NT5C2: variants seen among roughly 807,000 people sequenced by gnomAD.
NT5C2 encodes 5'-nucleotidase, cytosolic II.
NT5C2 carries 58 observed loss-of-function variants against 76.1 expected under a neutral mutation model. The ratio of observed to expected loss-of-function variants is 0.76; its 90% CI spans 0.62 to 0.95. The LOEUF (loss-of-function observed/expected upper bound fraction) is 0.95. Ranked by LOEUF, NT5C2 falls within the 40% of genes least tolerant of loss-of-function variation. The pLI is 0.00. For synonymous variants in NT5C2, 229 were observed against 237.4 expected (o/e 0.96, Z 0.32); for missense variants, 478 against 690.3 (o/e 0.69, Z 3.45).
intron 9 of NT5C2, 105 bp downstream of exon 9, chr10:103,099,821 T>C: frequency 2.8e-6 from 2 of 714,698 alleles, no homozygotes; most frequent in South Asian, 1.8e-5. Context: ...AATCTGTTTT[T>C]TCTTTTTTTA....
At chr10:103,119,816 C>A (rs780623110) in intron 4 of NT5C2, among the ~76,000 whole-genome samples, 2 of 151,964 alleles carry the variant, frequency 1.3e-5, no homozygotes, top group Non-Finnish European at 2.9e-5. Context: ...AAAAAAAAGG[C>A]GTGGCCAGTT....
chr10:103,175,864 G>T (rs2089785707), intron 2 of NT5C2: 1 of 159,834 alleles, frequency 6.3e-6, no homozygotes, highest in African/African-American at 2.4e-5. Context: ...TTGGAAGGAG[G>T]ACGGGGGCAG....
intron 8 of NT5C2, chr10:103,100,639 G>A (rs1013273294): frequency 8.6e-6 from 4 of 465,936 alleles, no homozygotes; most frequent in African/African-American, 2.0e-5. Context: ...AATCTTGCCT[G>A]GCCTGGGAAT....
At position 103,115,166 on chromosome 10, in the gene NT5C2, C is replaced by T. The variant is rs571918171; in HGVS notation, c.176-8460G>A. Among the ~76,000 whole-genome samples, 3 of 152,268 alleles carry T rather than the reference C, an allele frequency of 2.0e-5. No homozygotes were observed. The South Asian group carries it at 6.2e-4, about 32-fold the overall frequency. ...CTATAACCCCAGCACTTTGGGAGGCCGAGGCAGGTGGACTACCTGAGCTCA... is the reference window on the plus strand; with the variant it reads ...CTATAACCCCAGCACTTTGGGAGGCTGAGGCAGGTGGACTACCTGAGCTCA... On this transcript the variant is annotated intron_variant, in intron 4 of 18. Coordinates refer to ENST00000404739, the MANE Select transcript of NT5C2 (RefSeq NM_001351169.2).
intron 1 of NT5C2, 148 bp downstream of exon 1, chr10:103,193,088 G>A (rs1273887064): frequency 6.6e-6 from 1 of 151,730 alleles, no homozygotes; most frequent in Admixed American, 6.6e-5. Context: ...TAAGGAGAGG[G>A]GCCTTGGGGC....
chr10:103,187,261 A>G (rs1170922117), intron 1 of NT5C2, among the ~76,000 whole-genome samples: 1 of 151,204 alleles, frequency 6.6e-6, no homozygotes, highest in East Asian at 2.0e-4. Flanking sequence ...AAAAAATAAA[A>G]AAGGCCAGTT....
At chr10:103,132,535 A>G (rs1304315019) in intron 4 of NT5C2, among the ~76,000 whole-genome samples, 1 of 152,060 alleles carries the variant, frequency 6.6e-6, no homozygotes, top group Non-Finnish European at 1.5e-5. Flanking sequence ...GCTCTTCTGT[A>G]GGTCTAAAGT....
At chr10:103,150,495 A>C (rs2082214535) in intron 3 of NT5C2, among the ~76,000 whole-genome samples, 1 of 152,218 alleles carries the variant, frequency 6.6e-6, no homozygotes, top group African/African-American at 2.4e-5. Flanking sequence ...AGTCACATAC[A>C]AATTTATGTG....
intron 3 of NT5C2, among the ~76,000 whole-genome samples, chr10:103,171,488 T>C (rs1044446064): frequency 6.6e-6 from 1 of 152,186 alleles, no homozygotes; most frequent in African/African-American, 2.4e-5. Context: ...TTAAGAGTCA[T>C]TTTAGACTTC....
At chr10:103,147,723 G>C (rs1203182725) in intron 3 of NT5C2, among the ~76,000 whole-genome samples, 1 of 152,038 alleles carries the variant, frequency 6.6e-6, no homozygotes, top group African/African-American at 2.4e-5. Flanking sequence ...ACCTAACATA[G>C]GGCCTTGTAA....
chr10:103,102,415 T>C (rs1040935084), intron 6 of NT5C2, among the ~76,000 whole-genome samples: 1 of 152,106 alleles, frequency 6.6e-6, no homozygotes, highest in Non-Finnish European at 1.5e-5. Flanking sequence ...CATGAGGCCA[T>C]TGTAGATCAG....
chr10:103,121,274 G>A (rs2075614597), intron 4 of NT5C2, among the ~76,000 whole-genome samples: 1 of 152,040 alleles, frequency 6.6e-6, no homozygotes. Flanking sequence ...GTTTAAAATG[G>A]TAATATTATA....
chr10:103,099,126 G>A (rs2068911358), intron 9 of NT5C2, 142 bp from the exon 10 acceptor site: 1 of 682,180 alleles, frequency 1.5e-6, no homozygotes, highest in South Asian at 1.6e-5. Flanking sequence ...ATGCTAGAGT[G>A]CAGTGGTACA....
intron 4 of NT5C2, among the ~76,000 whole-genome samples, chr10:103,116,198 A>G (rs1409559818): frequency 1.8e-4 from 28 of 152,186 alleles, no homozygotes; most frequent in Admixed American, 1.8e-3. Context: ...ATTATTAAGG[A>G]TATTTTTACT....
At position 103,089,900 on chromosome 10, in the gene NT5C2, A is replaced by C; in HGVS notation, c.1458T>G (p.His486Gln). Residue 486 changes from histidine to glutamine, a missense_variant, in exon 19 of 19, where the codon CAT becomes CAG. Transcript: ENST00000404739. ...CGTGTGTGTGCTCCACCGTTGATTC[A>C]TGAGGCATCTAGACAGAAAAAAGCT... ...LFRAAHVLMPHESTVEHTHVD... is the reference protein window; with the variant it reads ...LFRAAHVLMPQESTVEHTHVD... 1 of 1,600,826 alleles carries C rather than the reference A, an allele frequency of 6.2e-7. No homozygotes were observed. Among genetic ancestry groups the C allele is most frequent in the Non-Finnish European group, 8.5e-7 (1 of 1,172,746 alleles).
chr10:103,169,501 C>T (rs1303240094), intron 3 of NT5C2: 1 of 152,114 alleles, frequency 6.6e-6, no homozygotes, highest in East Asian at 1.9e-4. Flanking sequence ...CGCCTGTAGT[C>T]CCAGCTATTC....
At chr10:103,129,213 C>T (rs1390805192) in intron 4 of NT5C2, among the ~76,000 whole-genome samples, 3 of 95,192 alleles carry the variant, frequency 3.2e-5, no homozygotes, top group African/African-American at 1.2e-4. Context: ...GTGAGGAGCC[C>T]CTCAGCCTGG....
intron 4 of NT5C2, among the ~76,000 whole-genome samples, chr10:103,137,383 G>A (rs192608214): frequency 1.0e-3 from 153 of 152,288 alleles, no homozygotes; most frequent in African/African-American, 3.6e-3. Flanking sequence ...ATGACAAAGA[G>A]TATGGAGGGA....
chr10:103,168,495 TCTAGTATTAAACAAAAACTA>T (rs1237759586), intron 3 of NT5C2, among the ~76,000 whole-genome samples: 2 of 152,218 alleles, frequency 1.3e-5, no homozygotes, highest in African/African-American at 4.8e-5. Context: ...ACTAAAAGAT[TCTAGTATTAAACAAAAACTA>T]TTTAAGAGGT....
Sources: gnomAD v4.1 joint callset for allele counts (sites outside exome capture counted in the v4.1 genomes callset) on GRCh38, gnomAD v4.1.1 for gene constraint, MANE v1.5 for transcripts, NCBI Gene and HGNC (gene_info 2026-07-23, HGNC 2026-07-21) for gene names.